Variants in ATRNL1 observed in about 807,000 individuals in gnomAD.
ATRNL1 encodes attractin like 1.
ATRNL1 carries 95 observed loss-of-function variants against 182.7 expected under a neutral mutation model. That is an observed-to-expected ratio of 0.52 (90% CI 0.44 to 0.62). ATRNL1 has a LOEUF of 0.62. ATRNL1 is among the 20% of genes least tolerant of loss of function. The pLI is 0.00. For missense variants in ATRNL1, 1,471 were observed against 1,679.5 expected (o/e 0.88, Z 2.17); for synonymous variants, 576 against 568.3 (o/e 1.01, Z -0.19).
At chr10:115,901,110 A>G (rs1952338442) in intron 28 of ATRNL1, among the ~76,000 whole-genome samples, 1 of 152,190 alleles carries the variant, frequency 6.6e-6, no homozygotes. Context: ...GCATAGATTG[A>G]CAAATATATT....
intron 20 of ATRNL1, among the ~76,000 whole-genome samples, chr10:115,411,664 C>G (rs1020375214): frequency 1.3e-5 from 2 of 151,866 alleles, no homozygotes; most frequent in Non-Finnish European, 2.9e-5. Context: ...TTATTTAGCT[C>G]AAATATCAGA....
chr10:115,665,110 A>G (rs927670324), intron 26 of ATRNL1, among the ~76,000 whole-genome samples: 2 of 152,190 alleles, frequency 1.3e-5, no homozygotes, highest in Non-Finnish European at 1.5e-5. Flanking sequence ...AATGTAGTTC[A>G]ATAGAAGAGG....
At chr10:115,806,706 G>T (rs1212000488) in intron 27 of ATRNL1, among the ~76,000 whole-genome samples, 2 of 152,114 alleles carry the variant, frequency 1.3e-5, no homozygotes, top group Non-Finnish European at 2.9e-5. Flanking sequence ...GTAAATTCTA[G>T]AAACAGACTG....
intron 19 of ATRNL1, among the ~76,000 whole-genome samples, chr10:115,358,477 A>C (rs1049652201): frequency 6.6e-6 from 1 of 151,556 alleles, no homozygotes; most frequent in Non-Finnish European, 1.5e-5. Context: ...ACTCAATAAT[A>C]CATTTTCCTT....
At chr10:115,654,731 T>G (rs1555035302) in intron 26 of ATRNL1, among the ~76,000 whole-genome samples, 1 of 152,150 alleles carries the variant, frequency 6.6e-6, no homozygotes, top group Non-Finnish European at 1.5e-5. Flanking sequence ...TTTTTATTAT[T>G]GCTGCAGACA....
At chr10:115,551,671 T>C (rs891492188) in intron 26 of ATRNL1, among the ~76,000 whole-genome samples, 1 of 151,582 alleles carries the variant, frequency 6.6e-6, no homozygotes, top group African/African-American at 2.4e-5. Context: ...TTCTGAAATT[T>C]AATTTTACTA....
chr10:115,883,652 A>G (rs1232436107), intron 28 of ATRNL1, among the ~76,000 whole-genome samples: 1 of 152,260 alleles, frequency 6.6e-6, no homozygotes, highest in African/African-American at 2.4e-5. Context: ...ATATGGTTTC[A>G]TATGAAGTTT....
At chr10:115,789,159 G>T (rs12414992) in intron 27 of ATRNL1, among the ~76,000 whole-genome samples, 81,744 of 151,960 alleles carry the variant, frequency 0.54, 22,428 homozygotes, top group East Asian at 0.77. Context: ...GCAGGTTTTG[G>T]TGTTGAAGTC....
At chr10:115,704,705 G>T (rs1946843291) in intron 26 of ATRNL1, among the ~76,000 whole-genome samples, 2 of 151,824 alleles carry the variant, frequency 1.3e-5, no homozygotes, top group Admixed American at 1.3e-4. Context: ...GTGATATGGG[G>T]TATACGGTCT....
intron 26 of ATRNL1, among the ~76,000 whole-genome samples, chr10:115,584,147 G>T (rs1223794738): frequency 1.3e-5 from 2 of 150,382 alleles, no homozygotes; most frequent in African/African-American, 4.9e-5. Flanking sequence ...GCTGGATTCG[G>T]TTTGCCAGTA....
chr10:115,374,101 G>C (rs1857532533), intron 19 of ATRNL1, among the ~76,000 whole-genome samples: 1 of 151,384 alleles, frequency 6.6e-6, no homozygotes, highest in Admixed American at 6.6e-5. Flanking sequence ...TTGGTAGATT[G>C]TATGTTTCTA....
intron 27 of ATRNL1, among the ~76,000 whole-genome samples, chr10:115,760,735 A>G (rs1948714566): frequency 6.7e-6 from 1 of 150,178 alleles, no homozygotes; most frequent in South Asian, 2.1e-4. Flanking sequence ...GATAGAAGAT[A>G]GTGTCCAATA....
intron 25 of ATRNL1, 61 bp from the exon 26 acceptor site, chr10:115,549,396 GT>G: frequency 7.9e-7 from 1 of 1,267,572 alleles, no homozygotes; most frequent in Non-Finnish European, 1.1e-6. Context: ...TTCATGTACT[GT>G]TTTTTCATTA....
At chr10:115,531,155 G>A (rs374544093) in intron 25 of ATRNL1, among the ~76,000 whole-genome samples, 105 of 152,006 alleles carry the variant, frequency 6.9e-4, no homozygotes, top group African/African-American at 2.3e-3. Context: ...TAATGGGATG[G>A]CTGGGTCAAA....
intron 19 of ATRNL1, among the ~76,000 whole-genome samples, chr10:115,338,748 C>T (rs1485570864): frequency 3.3e-5 from 5 of 152,000 alleles, no homozygotes; most frequent in African/African-American, 9.7e-5. Context: ...CCCATTTGTC[C>T]GTTTTTGCTT....
chr10:115,853,766 G>T (rs1164874509), intron 28 of ATRNL1, among the ~76,000 whole-genome samples: 3 of 152,064 alleles, frequency 2.0e-5, no homozygotes, highest in Admixed American at 2.0e-4. Context: ...TCTTCACAAA[G>T]AAGAAAGAAA....
chr10:115,661,921 C>T (rs1168805061), intron 26 of ATRNL1, among the ~76,000 whole-genome samples: 2 of 133,266 alleles, frequency 1.5e-5, no homozygotes, highest in African/African-American at 5.6e-5. Context: ...TCCCTCCCCC[C>T]TCCCCCCTCC....
chr10:115,532,132 G>T (rs1336035066), intron 25 of ATRNL1, among the ~76,000 whole-genome samples: 2 of 151,746 alleles, frequency 1.3e-5, no homozygotes, highest in Non-Finnish European at 2.9e-5. Flanking sequence ...GGTTCCATAT[G>T]AATTTTAAAG....
chr10:115,106,315 A>G (rs1299195520), intron 1 of ATRNL1, among the ~76,000 whole-genome samples: 5 of 152,186 alleles, frequency 3.3e-5, no homozygotes, highest in African/African-American at 1.2e-4. Flanking sequence ...CCCCCATTGT[A>G]TCTAGGAAGT....
Sources: allele counts gnomAD v4.1 joint callset (sites outside exome capture counted in the v4.1 genomes callset), GRCh38; gene constraint gnomAD v4.1.1; transcripts MANE v1.5; gene names NCBI Gene and HGNC (gene_info 2026-07-23, HGNC 2026-07-21).